Variants in ASTN2 observed in about 807,000 individuals in gnomAD.
The protein encoded by ASTN2 is astrotactin 2, also known as astrotactin-2.
ASTN2 carries 54 observed loss-of-function variants against 139.8 expected under a neutral mutation model. The observed-to-expected ratio is 0.39, with a 90% CI of 0.31 to 0.48. The LOEUF (loss-of-function observed/expected upper bound fraction) is 0.48. Ranked by LOEUF, ASTN2 falls within the 20% of genes least tolerant of loss-of-function variation. ASTN2 has a pLI of 0.95. For missense variants in ASTN2, 1,565 were observed against 1,725.1 expected (o/e 0.91, Z 1.64); for synonymous variants, 756 against 719.5 (o/e 1.05, Z -0.81).
intron 19 of ASTN2, among the ~76,000 whole-genome samples, chr9:116,600,257 G>A (rs2131754472): frequency 6.8e-6 from 1 of 146,290 alleles, no homozygotes; most frequent in South Asian, 2.1e-4. Flanking sequence ...CCGGGAGATA[G>A]AGGCTACAGC....
intron 11 of ASTN2, among the ~76,000 whole-genome samples, chr9:116,839,826 A>G (rs1832139512): frequency 7.0e-6 from 1 of 143,436 alleles, no homozygotes; most frequent in African/African-American, 2.7e-5. Flanking sequence ...GCCCGCCACC[A>G]CACCCAGCTG....
At chr9:117,125,829 CG>C (rs11423468) in intron 4 of ASTN2, among the ~76,000 whole-genome samples, 13 of 143,552 alleles carry the variant, frequency 9.1e-5, no homozygotes, top group East Asian at 6.1e-4. Flanking sequence ...TTCATTGCGG[CG>C]GGGGGGGGAA....
At chr9:117,406,212 AAC>A in intron 1 of ASTN2, among the ~76,000 whole-genome samples, 1 of 152,328 alleles carries the variant, frequency 6.6e-6, no homozygotes, top group East Asian at 1.9e-4. Context: ...CACATGAGGA[AAC>A]ACACAGCGTA....
At chr9:116,900,407 T>C (rs1291984484) in intron 10 of ASTN2, among the ~76,000 whole-genome samples, 2 of 152,136 alleles carry the variant, frequency 1.3e-5, no homozygotes, top group African/African-American at 4.8e-5. Context: ...TTTTTGATCT[T>C]CTCCCCCCTC....
intron 1 of ASTN2, among the ~76,000 whole-genome samples, chr9:117,410,569 A>T (rs111790666): frequency 9.2e-5 from 14 of 152,216 alleles, no homozygotes; most frequent in Non-Finnish European, 1.3e-4. Flanking sequence ...TGGGGGATAA[A>T]TGACTTATTC....
chr9:116,502,294 C>A (rs894856746), intron 19 of ASTN2, among the ~76,000 whole-genome samples: 4 of 151,538 alleles, frequency 2.6e-5, no homozygotes, highest in Non-Finnish European at 5.9e-5. Context: ...ACACACAACA[C>A]ACAGACACAA....
intron 6 of ASTN2, among the ~76,000 whole-genome samples, chr9:117,026,614 T>C (rs545501767): frequency 1.8e-4 from 27 of 152,186 alleles, no homozygotes; most frequent in Non-Finnish European, 3.5e-4. Context: ...TTAATGCCCT[T>C]GTTCAGGCAT....
At chr9:117,231,394 C>T (rs1832887196) in intron 2 of ASTN2, among the ~76,000 whole-genome samples, 2 of 152,180 alleles carry the variant, frequency 1.3e-5, no homozygotes, top group Non-Finnish European at 2.9e-5. Flanking sequence ...CTCAGACTCT[C>T]GATCCATGAA....
intron 1 of ASTN2, among the ~76,000 whole-genome samples, chr9:117,384,094 G>A (rs141520691): frequency 6.6e-6 from 1 of 152,316 alleles, no homozygotes; most frequent in Non-Finnish European, 1.5e-5. Flanking sequence ...AATATCGGTA[G>A]AGCAGCTCAA....
intron 1 of ASTN2, among the ~76,000 whole-genome samples, chr9:117,302,895 C>T (rs1587928719): frequency 6.6e-6 from 1 of 152,310 alleles, no homozygotes; most frequent in African/African-American, 2.4e-5. Context: ...AAATCCATTG[C>T]TTATGGGAAT....
At chr9:116,812,246 G>T (rs1831185377) in intron 12 of ASTN2, among the ~76,000 whole-genome samples, 1 of 152,162 alleles carries the variant, frequency 6.6e-6, no homozygotes, top group Non-Finnish European at 1.5e-5. Flanking sequence ...AACACCTGAG[G>T]TTATCTGACA....
chr9:116,892,186 A>G (rs1833778110), intron 10 of ASTN2, among the ~76,000 whole-genome samples: 1 of 152,220 alleles, frequency 6.6e-6, no homozygotes, highest in Non-Finnish European at 1.5e-5. Flanking sequence ...TTTATAATAA[A>G]TAAATTTAGA....
At chr9:116,845,553 T>C (rs1004474544) in intron 11 of ASTN2, among the ~76,000 whole-genome samples, 1 of 152,104 alleles carries the variant, frequency 6.6e-6, no homozygotes, top group Non-Finnish European at 1.5e-5. Flanking sequence ...AACAACCTGA[T>C]TAAAACATGG....
At chr9:117,137,129 C>T (rs1829970611) in intron 4 of ASTN2, among the ~76,000 whole-genome samples, 1 of 152,164 alleles carries the variant, frequency 6.6e-6, no homozygotes, top group African/African-American at 2.4e-5. Flanking sequence ...CCTCATAAAA[C>T]CCCAGCACTA....
intron 16 of ASTN2, chr9:116,686,895 T>C (rs1054951327): frequency 6.6e-7 from 1 of 1,521,422 alleles, no homozygotes; most frequent in Non-Finnish European, 8.8e-7. Context: ...GGTTCTCGAC[T>C]TCCCCAGAAT....
chr9:116,732,622 T>C (rs1477529832), intron 14 of ASTN2, among the ~76,000 whole-genome samples: 3 of 152,076 alleles, frequency 2.0e-5, no homozygotes, highest in African/African-American at 7.2e-5. Flanking sequence ...TCTTAGGAAA[T>C]TTCTTAAGAA....
chr9:116,677,086 A>G (rs1859551061), intron 16 of ASTN2, among the ~76,000 whole-genome samples: 1 of 152,258 alleles, frequency 6.6e-6, no homozygotes, highest in Non-Finnish European at 1.5e-5. Flanking sequence ...GCTTAATTAA[A>G]AGTGGATAAA....
At chr9:117,032,846 C>A (rs999293424) in intron 6 of ASTN2, among the ~76,000 whole-genome samples, 4 of 152,118 alleles carry the variant, frequency 2.6e-5, no homozygotes, top group Non-Finnish European at 5.9e-5. Context: ...GGCTAAGAAG[C>A]CATACTCAGA....
chr9:116,905,793 A>G lies in ASTN2; in HGVS notation c.1890-42060T>C, dbSNP rs115756948. 2.8e-3 allele frequency among the ~76,000 whole-genome samples: 395 copies of G among 143,618 alleles called. 1 individual carries two copies. The highest frequency in any genetic ancestry group is 9.2e-3 in the African/African-American group (352 of 38,424). 94.2% of individuals were successfully genotyped at this position (143,618 alleles called of 152,430 possible). ...TGGGTGGCTTAAGGGTAGACCTCCA[A>G]TATTCACGGTGCTCAGGGCACCCAG... On this transcript the variant is annotated intron_variant, in intron 10 of 22. Transcript: ENST00000313400.
Sources: gnomAD v4.1 joint callset for allele counts (sites outside exome capture counted in the v4.1 genomes callset) on GRCh38, gnomAD v4.1.1 for gene constraint, MANE v1.5 for transcripts, NCBI Gene and HGNC (gene_info 2026-07-23, HGNC 2026-07-21) for gene names.